MYO3A: variants seen among roughly 807,000 people sequenced by gnomAD.
MYO3A encodes myosin-IIIa.
A neutral mutation model predicts 192.7 loss-of-function variants in MYO3A; 180 were observed. The ratio of observed to expected loss-of-function variants is 0.93; its 90% CI spans 0.83 to 1.06. MYO3A has a LOEUF of 1.06. Ranked by LOEUF, MYO3A falls within the 50% of genes least tolerant of loss-of-function variation. The probability of loss-of-function intolerance (pLI) is 0.00; values close to 1 mark genes in which losing one functional copy is unlikely to be tolerated. For synonymous variants in MYO3A, 628 were observed against 645.3 expected, an observed-to-expected ratio of 0.97 and a Z score of 0.41; for missense variants, 1,896 against 1,905.0, an observed-to-expected ratio of 1.00 and a Z score of 0.09.
At chr10:26,036,365 A>G (rs139334460) in intron 10 of MYO3A, among the ~76,000 whole-genome samples, 251 of 152,300 alleles carry the variant, frequency 1.6e-3, no homozygotes, top group African/African-American at 5.9e-3. Flanking sequence ...TTAATGACAT[A>G]TTGATATGGG....
intron 18 of MYO3A, among the ~76,000 whole-genome samples, chr10:26,124,810 A>AC (rs1345572446): frequency 6.6e-6 from 1 of 152,226 alleles, no homozygotes; most frequent in East Asian, 1.9e-4. Flanking sequence ...GTTTGTTCAA[A>AC]CATCCAGTTT....
chr10:26,180,403 C>A (rs1407914951), intron 31 of MYO3A, among the ~76,000 whole-genome samples: 1 of 152,136 alleles, frequency 6.6e-6, no homozygotes, highest in African/African-American at 2.4e-5. Flanking sequence ...TCATCTACCT[C>A]ATAATTAACT....
At chr10:26,068,364 CA>C (rs1405573658) in intron 11 of MYO3A, among the ~76,000 whole-genome samples, 1 of 152,144 alleles carries the variant, frequency 6.6e-6, no homozygotes, top group African/African-American at 2.4e-5. Flanking sequence ...AGGACTAGGA[CA>C]TTCCATAAAG....
chr10:26,033,553 C>T (rs918887002), intron 10 of MYO3A, among the ~76,000 whole-genome samples: 6 of 152,152 alleles, frequency 3.9e-5, no homozygotes, highest in African/African-American at 1.2e-4. Context: ...CCCTAGAAAT[C>T]GCGGATTGAG....
chr10:26,173,717 C>A lies in MYO3A; in HGVS notation c.3453C>A (p.Phe1151Leu). 1 of 1,613,882 alleles carries A rather than the reference C, an allele frequency of 6.2e-7. No homozygotes were observed. Among genetic ancestry groups the A allele is most frequent in the Non-Finnish European group, 8.5e-7 (1 of 1,179,930 alleles). Residue 1151 changes from phenylalanine to leucine, a missense_variant, in exon 30 of 35, where the codon TTC (phenylalanine) becomes TTA (leucine). Coordinates refer to ENST00000642920, the MANE Select transcript of MYO3A (RefSeq NM_017433.5). ...AENAISANER[F>L]ISAPNNKGSV... ...ATGCAATCTCTGCTAATGAAAGATT[C>A]ATTTCAGCTCCAAATAATAAAGGAA...
intron 10 of MYO3A, among the ~76,000 whole-genome samples, chr10:26,033,086 T>G (rs557476813): frequency 2.0e-5 from 3 of 152,180 alleles, no homozygotes; most frequent in Non-Finnish European, 2.9e-5. Context: ...TTTTATTTAT[T>G]TTTTTGAGAC....
At chr10:26,051,713 C>A in intron 10 of MYO3A, among the ~76,000 whole-genome samples, 1 of 151,792 alleles carries the variant, frequency 6.6e-6, no homozygotes, top group East Asian at 1.9e-4. Context: ...AGATTTTTTG[C>A]CTATTACAAG....
intron 4 of MYO3A, among the ~76,000 whole-genome samples, chr10:25,982,782 A>C (rs1295427732): frequency 2.0e-5 from 3 of 152,172 alleles, no homozygotes; most frequent in African/African-American, 7.2e-5. Flanking sequence ...TGGGACAAAA[A>C]AATCTGAACA....
At chr10:26,163,944 G>T (rs750758774) in intron 26 of MYO3A, among the ~76,000 whole-genome samples, 4 of 151,992 alleles carry the variant, frequency 2.6e-5, no homozygotes, top group African/African-American at 9.7e-5. Context: ...GAGAGGCAGG[G>T]GACATTAGGT....
At chr10:25,998,074 C>A (rs190009967) in intron 6 of MYO3A, among the ~76,000 whole-genome samples, 24 of 151,950 alleles carry the variant, frequency 1.6e-4, no homozygotes. Flanking sequence ...TTGCATTTAT[C>A]GTATAGAATT....
chr10:26,053,669 C>G (rs989952402), intron 10 of MYO3A, among the ~76,000 whole-genome samples: 1 of 151,932 alleles, frequency 6.6e-6, no homozygotes, highest in East Asian at 1.9e-4. Context: ...ACTAAAAACA[C>G]AAAAAATTAG....
chr10:26,013,178 A>G (rs1841781516), intron 6 of MYO3A, among the ~76,000 whole-genome samples: 1 of 152,146 alleles, frequency 6.6e-6, no homozygotes, highest in South Asian at 2.1e-4. Flanking sequence ...AAATTCTAGG[A>G]GACAACATTG....
At chr10:25,947,602 A>G (rs1484768191) in intron 2 of MYO3A, among the ~76,000 whole-genome samples, 3 of 151,996 alleles carry the variant, frequency 2.0e-5, no homozygotes, top group African/African-American at 7.2e-5. Flanking sequence ...CATGTTGGTC[A>G]GGCTGGTCTC....
At chr10:26,075,013 G>A (rs1286360048) in intron 14 of MYO3A, among the ~76,000 whole-genome samples, 1 of 151,884 alleles carries the variant, frequency 6.6e-6, no homozygotes, top group African/African-American at 2.4e-5. Context: ...TCTTTATGAT[G>A]TCCTCTTAGT....
At chr10:26,100,183 A>G (rs1837346624) in intron 17 of MYO3A, among the ~76,000 whole-genome samples, 2 of 152,058 alleles carry the variant, frequency 1.3e-5, no homozygotes, top group African/African-American at 4.8e-5. Context: ...TAGATTTTCT[A>G]GTTTATTTGC....
chr10:25,974,175 T>A (rs1246239044), intron 4 of MYO3A, among the ~76,000 whole-genome samples: 5 of 151,908 alleles, frequency 3.3e-5, no homozygotes, highest in Non-Finnish European at 7.4e-5. Flanking sequence ...TGGGAAAAAA[T>A]TTTTGCAATC....
intron 26 of MYO3A, among the ~76,000 whole-genome samples, chr10:26,160,170 T>C (rs1841411739): frequency 6.6e-6 from 1 of 152,188 alleles, no homozygotes. Context: ...GATTTTTTAA[T>C]GTATAAGGCA....
Position 26,018,053 on chromosome 10 carries a change from T to G in MYO3A, c.585+1157T>G, listed in dbSNP as rs370943071. Among the ~76,000 whole-genome samples, 13 of 151,162 alleles carry G rather than the reference T, an allele frequency of 8.6e-5. No individual in the cohort carries two copies. In the East Asian group the frequency reaches 2.3e-3, roughly 27 times the overall value. ...ATATCCTAGCTTTATGGGTTTTGTA[T>G]GTTTATTTATTATAACAAGCCATTA... On this transcript the variant is annotated intron_variant, in intron 7 of 34. Coordinates refer to ENST00000642920, the MANE Select transcript of MYO3A (RefSeq NM_017433.5).
intron 26 of MYO3A, among the ~76,000 whole-genome samples, chr10:26,159,230 T>TC: frequency 6.6e-6 from 1 of 151,776 alleles, no homozygotes; most frequent in Non-Finnish European, 1.5e-5. Flanking sequence ...GACCTCGTGA[T>TC]CCGCCCACCT....
Sources: gnomAD v4.1 joint callset for allele counts (sites outside exome capture counted in the v4.1 genomes callset) on GRCh38, gnomAD v4.1.1 for gene constraint, MANE v1.5 for transcripts, NCBI Gene and HGNC (gene_info 2026-07-23, HGNC 2026-07-21) for gene names.